Variants in DDHD1 observed in about 807,000 individuals in gnomAD.
DDHD1 encodes the protein DDHD domain containing 1, also known as phospholipase DDHD1.
A neutral mutation model predicts 96.4 loss-of-function variants in DDHD1; 49 were observed. The ratio of observed to expected loss-of-function variants is 0.51; its 90% CI spans 0.40 to 0.64. The LOEUF (loss-of-function observed/expected upper bound fraction) is 0.64. Ranked by LOEUF, DDHD1 falls within the 30% of genes least tolerant of loss-of-function variation. The pLI, the probability that DDHD1 is intolerant of heterozygous loss-of-function variation, is 0.00. For missense variants in DDHD1, 1,106 were observed against 1,161.2 expected (o/e 0.95, Z 0.69); for synonymous variants, 442 against 446.5 (o/e 0.99, Z 0.13).
chr14:53,038,664 T>C lies in DDHD1; in HGVS notation c.*8104A>G, dbSNP rs1439735254. On this transcript the variant is annotated 3_prime_UTR_variant, in exon 13 of 13. Transcript: ENST00000673822. Reference sequence around the variant, plus strand: ...CTCATTTTTCACAGAGGTTGGAACATTTTCACAGAATTAGAAAACAACTAT... The same window carrying C: ...CTCATTTTTCACAGAGGTTGGAACACTTTCACAGAATTAGAAAACAACTAT... 2.0e-5 allele frequency: 3 copies of C among 152,136 alleles called. No individual in the cohort carries two copies. In the East Asian group the frequency reaches 5.8e-4, roughly 29 times the overall value. 9.4% of individuals were successfully genotyped at this position (152,136 alleles called of 1,614,324 possible).
chr14:53,061,722 T>C (rs1420326918), intron 7 of DDHD1, among the ~76,000 whole-genome samples: 6 of 152,146 alleles, frequency 3.9e-5, no homozygotes, highest in African/African-American at 1.2e-4. Context: ...AAGTTATTAT[T>C]ATCATTATTA....
chr14:53,070,397 T>C (rs940616584), intron 6 of DDHD1, among the ~76,000 whole-genome samples: 7 of 152,196 alleles, frequency 4.6e-5, no homozygotes, highest in Admixed American at 4.6e-4. Context: ...TCTCTTCCTG[T>C]ATCATCCATA....
rs772959138 is a variant in DDHD1 at position 53,152,529 on chromosome 14, G to C, written c.570C>G (p.Ile190Met). Residue 190 changes from isoleucine (I) to methionine (M), a missense_variant, in exon 1 of 13, where the codon ATC (isoleucine) becomes ATG (methionine). Physicochemically the swap from Ile to Met is conservative, Grantham distance 10 (BLOSUM62 1). Transcript: ENST00000673822. ...KPFIGYDSLR[I>M]ELAFRTLLQT... ...GCAGCAGGGTCCGGAAGGCGAGCTCGATGCGGAGCGAGTCGTAGCCGATGA... is the reference window on the plus strand; with the variant it reads ...GCAGCAGGGTCCGGAAGGCGAGCTCCATGCGGAGCGAGTCGTAGCCGATGA... 2.5e-6 allele frequency: 4 copies of C among 1,613,486 alleles called. No individual in the cohort carries two copies. In the East Asian group the frequency reaches 6.7e-5, roughly 27 times the overall value.
intron 1 of DDHD1, among the ~76,000 whole-genome samples, chr14:53,104,668 A>G (rs1488244731): frequency 6.6e-6 from 1 of 152,176 alleles, no homozygotes; most frequent in Non-Finnish European, 1.5e-5. Flanking sequence ...TTGATGAAAC[A>G]CTATTCCTAG....
At chr14:53,047,931 C>T (rs1412183098) in intron 12 of DDHD1, among the ~76,000 whole-genome samples, 1 of 152,144 alleles carries the variant, frequency 6.6e-6, no homozygotes, top group Non-Finnish European at 1.5e-5. Context: ...AAATCACTAC[C>T]AACCAGACAC....
chr14:53,108,715 G>A (rs1319340966), intron 1 of DDHD1, among the ~76,000 whole-genome samples: 1 of 152,186 alleles, frequency 6.6e-6, no homozygotes, highest in East Asian at 1.9e-4. Context: ...AGATGGCTTT[G>A]CCTTTCTCTT....
At chr14:53,151,118 T>C (rs1016809108) in intron 1 of DDHD1, among the ~76,000 whole-genome samples, 3 of 152,242 alleles carry the variant, frequency 2.0e-5, no homozygotes, top group East Asian at 3.8e-4. Flanking sequence ...TTATTGAATA[T>C]ATATTGCACT....
At chr14:53,130,533 A>G (rs768450611) in intron 1 of DDHD1, among the ~76,000 whole-genome samples, 1 of 152,180 alleles carries the variant, frequency 6.6e-6, no homozygotes, top group Non-Finnish European at 1.5e-5. Flanking sequence ...AGTGTACAAT[A>G]ATAGAGAAGA....
chr14:53,051,878 C>A lies in DDHD1; in HGVS notation c.2487G>T (p.Pro829=). Reference sequence around the variant, plus strand: ...TATCTTTATTCTGCATTACATTTTCCGGAAAAAGAAGTTGTGGGAGATTAA... The same window carrying A: ...TATCTTTATTCTGCATTACATTTTCAGGAAAAAGAAGTTGTGGGAGATTAA... The part of the protein sequence containing the change: ...SFFNLPQLLF[P]ENVMQNKDNA... Residue 829 remains proline, a synonymous_variant, in exon 12 of 13, where the codon CCG becomes CCT. Transcript: ENST00000673822. The A allele has an allele frequency of 6.3e-7, 1 of 1,599,532 alleles. No homozygotes were observed. Among genetic ancestry groups the A allele is most frequent in the Non-Finnish European group, 8.5e-7 (1 of 1,172,544 alleles).
intron 4 of DDHD1, among the ~76,000 whole-genome samples, chr14:53,086,335 C>G (rs1885949284): frequency 6.6e-6 from 1 of 151,986 alleles, no homozygotes; most frequent in East Asian, 1.9e-4. Context: ...AGAGCAACTC[C>G]AAGACACATA....
chr14:53,136,074 C>T (rs1890221199), intron 1 of DDHD1, among the ~76,000 whole-genome samples: 1 of 152,082 alleles, frequency 6.6e-6, no homozygotes, highest in South Asian at 2.1e-4. Context: ...TTTGTAATTT[C>T]CCCCACCCTT....
intron 5 of DDHD1, among the ~76,000 whole-genome samples, chr14:53,073,081 T>C (rs1595123543): frequency 6.6e-6 from 1 of 152,208 alleles, no homozygotes; most frequent in East Asian, 1.9e-4. Context: ...TTATATCCAG[T>C]ATAACAACTC....
In DDHD1 at chr14:53,109,512, T is replaced by C. The variant is rs113790256; in HGVS notation, c.839-5656A>G. 6.0e-3 allele frequency among the ~76,000 whole-genome samples: 908 copies of C among 152,234 alleles called. 10 individuals carry two copies. Among genetic ancestry groups the C allele is most frequent in the African/African-American group, 0.021 (871 of 41,536 alleles). ...TGCTATTTCCTTGTATAAAGGTAAT[T>C]AAAAATTCATGGTATCATCTGTCTT... On this transcript the variant is annotated intron_variant, in intron 1 of 12. Coordinates refer to ENST00000673822, the MANE Select transcript of DDHD1 (RefSeq NM_001160148.2).
At chr14:53,081,571 G>T (rs1161642208) in intron 4 of DDHD1, among the ~76,000 whole-genome samples, 1 of 152,198 alleles carries the variant, frequency 6.6e-6, no homozygotes, top group Non-Finnish European at 1.5e-5. Flanking sequence ...ATTTGCATCA[G>T]TGAGGAGAGG....
chr14:53,152,932 A>C lies in DDHD1; in HGVS notation c.167T>G (p.Leu56Arg). Residue 56 changes from leucine to arginine, a missense_variant, in exon 1 of 13, where the codon CTG (leucine) becomes CGG (arginine). Coordinates refer to ENST00000673822, the MANE Select transcript of DDHD1 (RefSeq NM_001160148.2). Reference protein sequence around the residue: ...GGDPDDGDVPLALLRGEPGLH... With the variant: ...GGDPDDGDVPRALLRGEPGLH... Reference sequence around the variant, plus strand: ...CCCGGGTTCCCCGCGCAGCAGGGCCAGGGGCACGTCGCCGTCGTCCGGGTC... The same window carrying C: ...CCCGGGTTCCCCGCGCAGCAGGGCCCGGGGCACGTCGCCGTCGTCCGGGTC... 6.2e-7 allele frequency: 1 copy of C among 1,603,260 alleles called. No individual in the cohort carries two copies. The highest frequency in any genetic ancestry group is 1.1e-5 in the South Asian group (1 of 89,892).
At chr14:53,141,762 C>T (rs1355998372) in intron 1 of DDHD1, among the ~76,000 whole-genome samples, 1 of 152,130 alleles carries the variant, frequency 6.6e-6, no homozygotes, top group Non-Finnish European at 1.5e-5. Flanking sequence ...ACTCCCAGAA[C>T]TCTTGGAGTG....
chr14:53,050,694 T>C (rs1477908211), intron 12 of DDHD1, among the ~76,000 whole-genome samples: 3 of 152,088 alleles, frequency 2.0e-5, no homozygotes, highest in Non-Finnish European at 4.4e-5. Context: ...CATGGTCTCT[T>C]GGCTCAAGGT....
intron 1 of DDHD1, among the ~76,000 whole-genome samples, chr14:53,146,698 G>GT (rs1368370424): frequency 6.6e-6 from 1 of 152,100 alleles, no homozygotes; most frequent in East Asian, 1.9e-4. Context: ...GTATCAGAAA[G>GT]TATCTGCATT....
chr14:53,093,149 A>T (rs1225285026), intron 3 of DDHD1, 167 bp downstream of exon 3: 4 of 514,494 alleles, frequency 7.8e-6, no homozygotes, highest in Non-Finnish European at 1.2e-5. Context: ...TGATGAACAC[A>T]TGTCAACTCA....
Sources: allele counts gnomAD v4.1 joint callset (sites outside exome capture counted in the v4.1 genomes callset), GRCh38; gene constraint gnomAD v4.1.1; transcripts MANE v1.5; gene names NCBI Gene and HGNC (gene_info 2026-07-23, HGNC 2026-07-21).